Variants in HMCN1 observed in about 807,000 individuals in gnomAD.
HMCN1 encodes hemicentin-1.
In HMCN1, 321 loss-of-function variants were observed where a neutral mutation model predicts 625.9. That is an observed-to-expected ratio of 0.51 (90% CI 0.47 to 0.56). The LOEUF is 0.56. HMCN1 is among the 20% of genes least tolerant of loss of function. The probability of loss-of-function intolerance (pLI) is 0.00; values close to 1 mark genes in which losing one functional copy is unlikely to be tolerated. For synonymous variants in HMCN1, 2,425 were observed against 2,417.6 expected (o/e 1.00, Z -0.09); for missense variants, 6,588 against 6,887.3 (o/e 0.96, Z 1.54).
chr1:185,763,836 T>G (rs1430672781), intron 1 of HMCN1, among the ~76,000 whole-genome samples: 1 of 152,166 alleles, frequency 6.6e-6, no homozygotes, highest in Non-Finnish European at 1.5e-5. Context: ...ATGTTCTAAG[T>G]TTTATGTGCT....
chr1:185,999,635 G>A (rs1000833178), intron 25 of HMCN1, among the ~76,000 whole-genome samples: 12 of 151,918 alleles, frequency 7.9e-5, no homozygotes, highest in African/African-American at 2.9e-4. Context: ...TATTTGGTTG[G>A]CAGTCTTCAT....
chr1:185,979,494 T>C (rs188775179), intron 16 of HMCN1, among the ~76,000 whole-genome samples: 23 of 152,308 alleles, frequency 1.5e-4, no homozygotes, highest in African/African-American at 5.1e-4. Context: ...GTTGCCTAAT[T>C]GTCGAAATTA....
intron 30 of HMCN1, among the ~76,000 whole-genome samples, chr1:186,014,814 G>A (rs1009324037): frequency 6.6e-6 from 1 of 152,060 alleles, no homozygotes; most frequent in African/African-American, 2.4e-5. Flanking sequence ...TGCTCCCTTG[G>A]CCTGATTTGA....
chr1:186,088,739 C>T lies in HMCN1; in HGVS notation c.9711C>T (p.Tyr3237=). ...SNMEGKAQKY[Y]FLSIQVPPSV... is the part of the protein sequence containing the mutation. ...TGGAGGGAAAAGCCCAGAAATATTA[C>T]TTTCTTTCAATTCAAGGTATGTATT... The change falls in exon 63 of 107, where the codon TAC becomes TAT. Residue 3237 remains tyrosine, a synonymous_variant. Transcript: ENST00000271588. 6.2e-7 allele frequency: 1 copy of T among 1,608,536 alleles called. No individual in the cohort carries two copies. The highest frequency in any genetic ancestry group is 8.5e-7 in the Non-Finnish European group (1 of 1,176,460).
chr1:185,989,772 A>ATTTT (rs1156913510), intron 21 of HMCN1, 125 bp downstream of exon 21: 46 of 535,984 alleles, frequency 8.6e-5, no homozygotes, highest in Non-Finnish European at 1.1e-4. Flanking sequence ...CCAGATTTCT[A>ATTTT]TTTTTTTTTT....
chr1:185,756,467 T>A (rs1307570728), intron 1 of HMCN1, among the ~76,000 whole-genome samples: 1 of 149,206 alleles, frequency 6.7e-6, no homozygotes, highest in Non-Finnish European at 1.5e-5. Flanking sequence ...TCTCCTAATT[T>A]GACCTCAGGG....
At chr1:185,759,159 A>G (rs1417058347) in intron 1 of HMCN1, among the ~76,000 whole-genome samples, 1 of 152,206 alleles carries the variant, frequency 6.6e-6, no homozygotes, top group Non-Finnish European at 1.5e-5. Flanking sequence ...GTGATTATAA[A>G]CACTTGAGAA....
At chr1:186,093,718 T>C (rs1659971788) in intron 66 of HMCN1, 49 bp downstream of exon 66, 2 of 1,606,622 alleles carry the variant, frequency 1.2e-6, no homozygotes, top group South Asian at 2.2e-5. Flanking sequence ...GTAACTGTGA[T>C]TGTAGACTTT....
At chr1:185,963,639 T>C (rs930976918) in intron 12 of HMCN1, 129 bp from the exon 13 acceptor site, 1 of 687,858 alleles carries the variant, frequency 1.5e-6, no homozygotes, top group African/African-American at 1.8e-5. Context: ...ATGGTAACCA[T>C]TTCTGCAATC....
At chr1:186,099,020 A>G (rs1413799682) in intron 68 of HMCN1, among the ~76,000 whole-genome samples, 1 of 152,112 alleles carries the variant, frequency 6.6e-6, no homozygotes, top group East Asian at 1.9e-4. Flanking sequence ...AAGACAAGGG[A>G]GACAGGGGGA....
In HMCN1 at chr1:186,019,525, C is replaced by G. The variant is rs1654578263; in HGVS notation, c.5471-16C>G. The G allele has an allele frequency of 1.3e-6, 2 of 1,595,038 alleles. No individual in the cohort carries two copies. The highest frequency in any genetic ancestry group is 1.7e-6 in the Non-Finnish European group (2 of 1,163,210). On this transcript the variant is annotated splice_polypyrimidine_tract_variant and intron_variant, in intron 34 of 106. Transcript: ENST00000271588. ...TGATTATGGTTTCATTCCCTCTCCC[C>G]CTTCCTTAAATATAGTTCCTCCAAC... is the stretch of plus-strand genomic sequence containing the variant.
At chr1:186,088,895 CTT>C (rs910406693) in intron 63 of HMCN1, 140 bp downstream of exon 63, 4 of 838,562 alleles carry the variant, frequency 4.8e-6, no homozygotes, top group African/African-American at 3.4e-5. Flanking sequence ...AGTTTTCTGT[CTT>C]ATATTTACCA....
intron 1 of HMCN1, among the ~76,000 whole-genome samples, chr1:185,788,580 G>A (rs1309003939): frequency 1.4e-4 from 22 of 152,154 alleles, no homozygotes; most frequent in Non-Finnish European, 1.5e-5. Flanking sequence ...TTTACAGGAA[G>A]CCATTGTAAT....
Position 185,982,336 on chromosome 1 carries a change from C to G in HMCN1, c.2737C>G (p.Leu913Val), listed in dbSNP as rs1558115859. The change falls in exon 18 of 107, where the codon CTG (leucine) becomes GTG (valine). Residue 913 changes from leucine to valine, a missense_variant. Physicochemically the swap from Leu to Val is conservative, Grantham distance 32. This residue lies in a region of HMCN1 where 4,628 missense variants were observed against 4,853.1 expected (regional missense o/e 0.95). Coordinates refer to ENST00000271588, the MANE Select transcript of HMCN1 (RefSeq NM_031935.3). The stretch of plus-strand genomic sequence containing the variant: ...ACAGCAGCTTACTTTGCCCTGTACT[C>G]TGTTAGCTGGAAATCCCATTCCAGA... The part of the protein sequence containing the change: ...EGQQLTLPCT[L>V]LAGNPIPERR... The G allele has an allele frequency of 6.2e-7, 1 of 1,613,476 alleles. No homozygotes were observed. The highest frequency in any genetic ancestry group is 8.5e-7 in the Non-Finnish European group (1 of 1,179,514).
At chr1:186,154,898 C>T (rs868603669) in intron 97 of HMCN1, among the ~76,000 whole-genome samples, 5 of 152,120 alleles carry the variant, frequency 3.3e-5, no homozygotes, top group Admixed American at 6.5e-5. Flanking sequence ...AGAGCCACCA[C>T]GGCAATTAAC....
intron 41 of HMCN1, among the ~76,000 whole-genome samples, chr1:186,046,433 C>T (rs140182264): frequency 5.2e-4 from 79 of 151,826 alleles, no homozygotes; most frequent in Non-Finnish European, 9.4e-4. Context: ...CACACCACTG[C>T]ACTCCAGCCT....
At chr1:186,178,230 G>A (rs1344670109) in intron 103 of HMCN1, among the ~76,000 whole-genome samples, 186 bp from the exon 104 acceptor site, 1 of 152,138 alleles carries the variant, frequency 6.6e-6, no homozygotes, top group Non-Finnish European at 1.5e-5. Context: ...TCTGTCCTAT[G>A]TTCATAACTG....
At chr1:185,987,291 TC>T in intron 19 of HMCN1, 140 bp from the exon 20 acceptor site, 1 of 694,836 alleles carries the variant, frequency 1.4e-6, no homozygotes, top group Non-Finnish European at 2.6e-6. Context: ...ACAGAGATTA[TC>T]CTACATTTTT....
chr1:186,014,365 G>A (rs1475259864), intron 30 of HMCN1, among the ~76,000 whole-genome samples: 1 of 151,590 alleles, frequency 6.6e-6, no homozygotes, highest in Non-Finnish European at 1.5e-5. Context: ...GGGTACATGT[G>A]CACATTGTGC....
Sources: gnomAD v4.1 joint callset for allele counts (sites outside exome capture counted in the v4.1 genomes callset) on GRCh38, gnomAD v4.1.1 for gene constraint, gnomAD v4.1.1 regional missense constraint, MANE v1.5 for transcripts, NCBI Gene and HGNC (gene_info 2026-07-23, HGNC 2026-07-21) for gene names.